Variants in DOCK1 observed in about 807,000 individuals in gnomAD.
The protein encoded by DOCK1 is dedicator of cytokinesis 1.
A neutral mutation model predicts 262.7 loss-of-function variants in DOCK1; 138 were observed. The observed-to-expected ratio is 0.53, with a 90% confidence interval of 0.46 to 0.61. The LOEUF (loss-of-function observed/expected upper bound fraction) is 0.61, where lower values mean the gene tolerates loss of function less well. DOCK1 is among the 20% of genes least tolerant of loss of function. DOCK1 has a pLI of 0.00. For synonymous variants in DOCK1, 866 were observed against 867.4 expected, an observed-to-expected ratio of 1.00 and a Z score of 0.03; for missense variants, 1,908 against 2,370.7, an observed-to-expected ratio of 0.80 and a Z score of 4.05.
At chr10:126,982,314 CT>C (rs1332972682) in intron 4 of DOCK1, among the ~76,000 whole-genome samples, 5 of 151,754 alleles carry the variant, frequency 3.3e-5, no homozygotes, top group African/African-American at 1.2e-4. Flanking sequence ...TCTGAGTCCC[CT>C]TTTTTTTGGG....
chr10:127,347,998 C>T (rs767525833), intron 31 of DOCK1, among the ~76,000 whole-genome samples: 19 of 149,678 alleles, frequency 1.3e-4, no homozygotes, highest in Non-Finnish European at 2.4e-4. Context: ...CCTGCTCCAT[C>T]CTCCTAATGA....
At chr10:127,314,638 T>A (rs1201465144) in intron 29 of DOCK1, among the ~76,000 whole-genome samples, 2 of 152,224 alleles carry the variant, frequency 1.3e-5, no homozygotes, top group Admixed American at 6.5e-5. Flanking sequence ...GAGGTCACAA[T>A]GTGACAAAAT....
rs11016355 is a variant in DOCK1 at position 127,129,889 on chromosome 10, G to A, written c.2847+2125G>A. Reference sequence around the variant, plus strand: ...GACTGTTTTGTCTCTGTTTAGGGGAGCATGGTTCTGCCTGTGCTTAGGGAA... The same window carrying A: ...GACTGTTTTGTCTCTGTTTAGGGGAACATGGTTCTGCCTGTGCTTAGGGAA... On this transcript the variant is annotated intron_variant, in intron 27 of 51. Coordinates refer to ENST00000623213, the MANE Select transcript of DOCK1 (RefSeq NM_001290223.2). Among the ~76,000 whole-genome samples the A allele has an allele frequency of 4.3e-4, 65 of 149,954 alleles. No homozygotes were observed. In the East Asian group the frequency reaches 0.012, roughly 29 times the overall value.
intron 29 of DOCK1, among the ~76,000 whole-genome samples, chr10:127,289,238 T>C (rs1369926886): frequency 6.6e-6 from 1 of 152,196 alleles, no homozygotes; most frequent in African/African-American, 2.4e-5. Flanking sequence ...ATACTGCTTT[T>C]TAAATCTAAC....
At chr10:126,968,567 A>G (rs1458181481) in intron 1 of DOCK1, among the ~76,000 whole-genome samples, 2 of 152,198 alleles carry the variant, frequency 1.3e-5, no homozygotes, top group Non-Finnish European at 2.9e-5. Flanking sequence ...GAAAGGAATT[A>G]TGTGTATGTG....
chr10:126,982,981 G>A (rs553400153), intron 4 of DOCK1, among the ~76,000 whole-genome samples: 2 of 152,290 alleles, frequency 1.3e-5, no homozygotes, highest in East Asian at 3.9e-4. Context: ...AAGAATATAT[G>A]TAAAATGTAA....
At chr10:127,090,387 C>G (rs764172709) in intron 23 of DOCK1, among the ~76,000 whole-genome samples, 4 of 151,990 alleles carry the variant, frequency 2.6e-5, no homozygotes, top group African/African-American at 9.7e-5. Flanking sequence ...GAGTGACAGA[C>G]GGTGACTTGC....
In DOCK1 at chr10:127,043,113, C is replaced by G; in HGVS notation, c.2150C>G (p.Pro717Arg). 1 of 1,611,286 alleles carries G rather than the reference C, an allele frequency of 6.2e-7. No homozygotes were observed. The highest frequency in any genetic ancestry group is 8.5e-7 in the Non-Finnish European group (1 of 1,178,602). ...IADRKFQHFN[P>R]VLETYIKKHF... ...GATAGAAAATTTCAGCATTTTAATC[C>G]TGTTTTGGAAACTTACATTAAGAAA... Residue 717 changes from proline to arginine, a missense_variant, in exon 21 of 52, where the codon CCT becomes CGT. By Grantham distance (103) the Pro-to-Arg change is moderately radical. Transcript: ENST00000623213.
intron 1 of DOCK1, among the ~76,000 whole-genome samples, chr10:126,912,918 A>G (rs544748155): frequency 6.6e-6 from 1 of 152,072 alleles, no homozygotes; most frequent in Non-Finnish European, 1.5e-5. Context: ...AGTGTAGCCC[A>G]TAACAGTATG....
chr10:127,214,571 A>G (rs1350694602), intron 27 of DOCK1, among the ~76,000 whole-genome samples: 2 of 152,224 alleles, frequency 1.3e-5, no homozygotes, highest in African/African-American at 2.4e-5. Context: ...AGATGGCAGC[A>G]AGCGTAACCC....
chr10:127,193,990 T>A (rs1484471442), intron 27 of DOCK1, among the ~76,000 whole-genome samples: 12 of 152,204 alleles, frequency 7.9e-5, no homozygotes, highest in Non-Finnish European at 1.8e-4. Context: ...CTGACTTACA[T>A]GAAAGCTCAA....
intron 25 of DOCK1, among the ~76,000 whole-genome samples, chr10:127,121,103 C>T (rs1284760939): frequency 6.6e-6 from 1 of 152,150 alleles, no homozygotes; most frequent in Non-Finnish European, 1.5e-5. Flanking sequence ...TGTGGGTAAA[C>T]TGATTAAAAG....
intron 29 of DOCK1, among the ~76,000 whole-genome samples, chr10:127,284,510 T>A (rs1465390187): frequency 6.6e-6 from 1 of 152,208 alleles, no homozygotes; most frequent in Non-Finnish European, 1.5e-5. Context: ...ATTAAATAAT[T>A]CTTCATAGTT....
At chr10:127,202,938 T>A (rs867682971) in intron 27 of DOCK1, among the ~76,000 whole-genome samples, 2 of 152,356 alleles carry the variant, frequency 1.3e-5, no homozygotes, top group Middle Eastern at 3.4e-3. Flanking sequence ...AGGAAGCTGA[T>A]GCTGCGTCCA....
intron 33 of DOCK1, among the ~76,000 whole-genome samples, chr10:127,367,943 C>T (rs2065013825): frequency 6.6e-6 from 1 of 152,226 alleles, no homozygotes; most frequent in Non-Finnish European, 1.5e-5. Context: ...CCCACTGCAG[C>T]CATGCCCCTG....
chr10:127,113,109 G>C (rs1380309405), intron 25 of DOCK1, among the ~76,000 whole-genome samples: 1 of 152,166 alleles, frequency 6.6e-6, no homozygotes, highest in Admixed American at 6.5e-5. Context: ...GATGAGACAT[G>C]TTGAATCTGA....
intron 27 of DOCK1, among the ~76,000 whole-genome samples, chr10:127,225,259 A>G (rs2134481587): frequency 6.6e-6 from 1 of 152,340 alleles, no homozygotes; most frequent in African/African-American, 2.4e-5. Flanking sequence ...TTTTATTGGT[A>G]AAGACAGAAA....
chr10:127,275,405 A>C (rs1474435276), intron 29 of DOCK1, among the ~76,000 whole-genome samples: 1 of 152,110 alleles, frequency 6.6e-6, no homozygotes, highest in Non-Finnish European at 1.5e-5. Context: ...GCAGAGGAGG[A>C]GGCCAGCCTG....
At chr10:126,986,010 G>C (rs1233376192) in intron 4 of DOCK1, among the ~76,000 whole-genome samples, 1 of 151,952 alleles carries the variant, frequency 6.6e-6, no homozygotes, top group Non-Finnish European at 1.5e-5. Flanking sequence ...ATGCCCGGCT[G>C]ATTTTTTGTA....
Sources: allele counts gnomAD v4.1 joint callset (sites outside exome capture counted in the v4.1 genomes callset), GRCh38; gene constraint gnomAD v4.1.1; transcripts MANE v1.5; gene names NCBI Gene and HGNC (gene_info 2026-07-23, HGNC 2026-07-21).